NHLRC2: variants seen among roughly 807,000 people sequenced by gnomAD.
NHLRC2 encodes the protein NHL repeat containing 2, also known as NHL repeat-containing protein 2.
In NHLRC2, 33 loss-of-function variants were observed where a neutral mutation model predicts 68.1. The observed-to-expected ratio is 0.48, with a 90% CI of 0.37 to 0.65. The LOEUF is 0.65. NHLRC2 is among the 30% of genes least tolerant of loss of function. The pLI, the probability that NHLRC2 is intolerant of heterozygous loss-of-function variation, is 0.00. For synonymous variants in NHLRC2, 311 were observed against 309.6 expected (o/e 1.00, Z -0.05); for missense variants, 761 against 853.8 (o/e 0.89, Z 1.35).
Position 113,901,801 on chromosome 10 carries a change from C to T in NHLRC2, c.1275C>T (p.Cys425=). 2 of 1,614,116 alleles carry T rather than the reference C, an allele frequency of 1.2e-6. No homozygotes were observed. The highest frequency in any genetic ancestry group is 1.1e-5 in the South Asian group (1 of 91,078). ...LSLASEDPWS[C]LFVADSESST... is the part of the protein sequence containing the mutation. Reference sequence around the variant, plus strand: ...TGGCCTCTGAAGATCCCTGGAGCTGCTTGTTTGTAGCAGATAGTGAGAGCA... The same window carrying T: ...TGGCCTCTGAAGATCCCTGGAGCTGTTTGTTTGTAGCAGATAGTGAGAGCA... The change falls in exon 7 of 11, where the codon TGC becomes TGT. Residue 425 remains cysteine (C), a synonymous_variant. Coordinates refer to ENST00000369301, the MANE Select transcript of NHLRC2 (RefSeq NM_198514.4).
intron 3 of NHLRC2, among the ~76,000 whole-genome samples, chr10:113,877,606 A>G (rs1199268318): frequency 6.6e-6 from 1 of 152,182 alleles, no homozygotes; most frequent in Non-Finnish European, 1.5e-5. Context: ...TTACATCTAC[A>G]TAATTAATAA....
chr10:113,872,136 T>C (rs537455366), intron 2 of NHLRC2, among the ~76,000 whole-genome samples: 20 of 152,160 alleles, frequency 1.3e-4, no homozygotes, highest in African/African-American at 4.6e-4. Flanking sequence ...GGACAAGGAA[T>C]TGAAGCCTCA....
Position 113,911,956 on chromosome 10 carries a change from A to G in NHLRC2, c.*3420A>G, listed in dbSNP as rs547731397. ...AAACCCATAAAGTTTAAAGAGTTAA[A>G]GTTAACTGAATCGTAAGCACTTATA... On this transcript the variant is annotated 3_prime_UTR_variant, in exon 11 of 11. Coordinates refer to ENST00000369301, the MANE Select transcript of NHLRC2 (RefSeq NM_198514.4). 1 of 152,292 alleles carries G rather than the reference A, an allele frequency of 6.6e-6. No homozygotes were observed. Among genetic ancestry groups the G allele is most frequent in the East Asian group, 1.9e-4 (1 of 5,192 alleles). 9.4% of individuals were successfully genotyped at this position (152,292 alleles called of 1,614,324 possible). A position where few individuals can be genotyped will look rare whatever the true frequency, so the allele number is the denominator to read the frequency against.
At chr10:113,886,014 C>CT (rs1346695065) in intron 5 of NHLRC2, among the ~76,000 whole-genome samples, 1 of 151,866 alleles carries the variant, frequency 6.6e-6, no homozygotes, top group East Asian at 1.9e-4. Flanking sequence ...TACCAAAAGA[C>CT]TATTAGAGCT....
Position 113,910,384 on chromosome 10 carries a change from G to A in NHLRC2, c.*1848G>A, listed in dbSNP as rs1482758213. On this transcript the variant is annotated 3_prime_UTR_variant, in exon 11 of 11. Transcript: ENST00000369301. The stretch of plus-strand genomic sequence containing the variant: ...CCCAGCTAATTTTTTTGTGTTTTTA[G>A]TAGAGACAGGGTTTCACCATGTCAG... 6.6e-6 allele frequency: 1 copy of A among 152,066 alleles called. No homozygotes were observed. Among genetic ancestry groups the A allele is most frequent in the Non-Finnish European group, 1.5e-5 (1 of 68,030 alleles). The allele number at this position is 152,066 out of a possible 1,614,324, so 9.4% of individuals were successfully genotyped here.
At position 113,854,923 on chromosome 10, in the gene NHLRC2, G is replaced by A; in HGVS notation, c.51G>A (p.Ala17=). ...GCAGCCTCTCCGGCCTGCTCCCCGC[G>A]CAGACCTCGCTAGAGTACGCCCTGC... is the stretch of plus-strand genomic sequence containing the variant. ...RGRSLSGLLP[A]QTSLEYALLD... Residue 17 remains alanine, a synonymous_variant, in exon 1 of 11, where the codon GCG becomes GCA. Transcript: ENST00000369301. 1 of 1,553,780 alleles carries A rather than the reference G, an allele frequency of 6.4e-7. No individual in the cohort carries two copies. Among genetic ancestry groups the A allele is most frequent in the Non-Finnish European group, 8.7e-7 (1 of 1,148,320 alleles).
At chr10:113,887,527 T>G (rs1589543730) in intron 5 of NHLRC2, among the ~76,000 whole-genome samples, 2 of 152,120 alleles carry the variant, frequency 1.3e-5, no homozygotes, top group African/African-American at 4.8e-5. Flanking sequence ...CCCAGCACTT[T>G]GGGAGGCTGA....
At chr10:113,876,268 GT>G (rs1463618137) in intron 2 of NHLRC2, among the ~76,000 whole-genome samples, 1 of 151,916 alleles carries the variant, frequency 6.6e-6, no homozygotes, top group Non-Finnish European at 1.5e-5. Context: ...AAGAAAAAAA[GT>G]TTTAATCCTG....
At chr10:113,856,019 G>A (rs1845753496) in intron 1 of NHLRC2, among the ~76,000 whole-genome samples, 1 of 152,140 alleles carries the variant, frequency 6.6e-6, no homozygotes, top group African/African-American at 2.4e-5. Context: ...TTTCTTAGCT[G>A]TACTGTGCTT....
chr10:113,884,467 C>T, intron 5 of NHLRC2, 87 bp downstream of exon 5: 1 of 1,059,638 alleles, frequency 9.4e-7, no homozygotes, highest in South Asian at 1.5e-5. Flanking sequence ...ATTTGGATTC[C>T]ATTACTAGTT....
chr10:113,863,240 GA>G (rs1845833411), intron 2 of NHLRC2, among the ~76,000 whole-genome samples: 1 of 152,170 alleles, frequency 6.6e-6, no homozygotes, highest in East Asian at 1.9e-4. Flanking sequence ...AATTTCAATA[GA>G]TTTTTTTTAA....
rs114551226 is a variant in NHLRC2, at chr10:113,891,617, G to A, written c.1040-6493G>A. ...GATTTTGCCTCAGTACATGGGCCTA[G>A]ATTAGCTGGAGGGTTTTCTTAGTGT... is the stretch of plus-strand genomic sequence containing the variant. On this transcript the variant is annotated intron_variant, in intron 5 of 10. Transcript: ENST00000369301. 5.1e-3 allele frequency among the ~76,000 whole-genome samples: 768 copies of A among 151,740 alleles called. 6 individuals are homozygous for A. Among genetic ancestry groups the A allele is most frequent in the African/African-American group, 0.018 (725 of 41,030 alleles).
chr10:113,863,211 ATTAG>A (rs1845833290), intron 2 of NHLRC2, among the ~76,000 whole-genome samples: 1 of 152,234 alleles, frequency 6.6e-6, no homozygotes, highest in Non-Finnish European at 1.5e-5. Context: ...AGGATAGACC[ATTAG>A]TTATGCCACA....
At chr10:113,860,233 A>G (rs1845802373) in intron 2 of NHLRC2, among the ~76,000 whole-genome samples, 1 of 152,122 alleles carries the variant, frequency 6.6e-6, no homozygotes, top group Non-Finnish European at 1.5e-5. Context: ...TAAGAATCTC[A>G]AAGTTTACCA....
At chr10:113,863,666 G>A (rs1315914734) in intron 2 of NHLRC2, among the ~76,000 whole-genome samples, 1 of 152,020 alleles carries the variant, frequency 6.6e-6, no homozygotes, top group South Asian at 2.1e-4. Context: ...ATCAATTTGG[G>A]TACAACCAAC....
chr10:113,854,718 G>C lies in NHLRC2; in HGVS notation c.-155G>C. ...TTGGACTTTTGGCACTTGGACCTAT[G>C]CTTTAAAAAGAAAAAAGTGTCATTG... On this transcript the variant is annotated 5_prime_UTR_variant, in exon 1 of 11. An upstream start codon of the reference 5' UTR is lost. Coordinates refer to ENST00000369301, the MANE Select transcript of NHLRC2 (RefSeq NM_198514.4). The C allele has an allele frequency of 1.6e-6, 1 of 624,416 alleles. No homozygotes were observed. Among genetic ancestry groups the C allele is most frequent in the Admixed American group, 3.1e-5 (1 of 32,662 alleles). The allele number at this position is 624,416 out of a possible 1,614,324, so 38.7% of individuals were successfully genotyped here.
chr10:113,860,549 C>T (rs1845805428), intron 2 of NHLRC2, among the ~76,000 whole-genome samples: 1 of 151,902 alleles, frequency 6.6e-6, no homozygotes, highest in Non-Finnish European at 1.5e-5. Context: ...AAGTACAGCC[C>T]ATTCAAAGGA....
At position 113,901,791 on chromosome 10, in the gene NHLRC2, C is replaced by G; in HGVS notation, c.1265C>G (p.Pro422Arg). The change falls in exon 7 of 11, where the codon CCC becomes CGC. Residue 422 changes from proline (P) to arginine (R), a missense_variant. By Grantham distance (103) the Pro-to-Arg change is moderately radical. Coordinates refer to ENST00000369301, the MANE Select transcript of NHLRC2 (RefSeq NM_198514.4). The stretch of plus-strand genomic sequence containing the variant: ...GGCCTTTCCTTGGCCTCTGAAGATC[C>G]CTGGAGCTGCTTGTTTGTAGCAGAT... ...PSGLSLASED[P>R]WSCLFVADSE... is the part of the protein sequence containing the mutation. 6.2e-7 allele frequency: 1 copy of G among 1,614,092 alleles called. No individual in the cohort carries two copies. The highest frequency in any genetic ancestry group is 8.5e-7 in the Non-Finnish European group (1 of 1,179,972).
At chr10:113,873,346 T>A (rs1420011882) in intron 2 of NHLRC2, among the ~76,000 whole-genome samples, 2 of 152,104 alleles carry the variant, frequency 1.3e-5, no homozygotes, top group African/African-American at 4.8e-5. Context: ...ATTTTATACA[T>A]GTAGAGCTAA....
Sources: allele counts gnomAD v4.1 joint callset (sites outside exome capture counted in the v4.1 genomes callset), GRCh38; gene constraint gnomAD v4.1.1; transcripts MANE v1.5; gene names NCBI Gene and HGNC (gene_info 2026-07-23, HGNC 2026-07-21).